The following LOXL3 variants were observed in gnomAD, a reference collection of about 807,000 sequenced individuals.
LOXL3 encodes the protein lysyl oxidase homolog 3.
LOXL3 carries 60 observed loss-of-function variants against 91.8 expected under a neutral mutation model. The observed-to-expected ratio is 0.65, with a 90% confidence interval of 0.53 to 0.81. The LOEUF is 0.81. LOXL3 is among the 30% of genes least tolerant of loss of function. The pLI is 0.00. For synonymous variants in LOXL3, 355 were observed against 387.6 expected (o/e 0.92, Z 0.99); for missense variants, 874 against 1,000.4 (o/e 0.87, Z 1.70).
In LOXL3 at chr2:74,536,688, C is replaced by A; in HGVS notation, c.912+21G>T. The A allele has an allele frequency of 6.2e-7, 1 of 1,611,472 alleles. No individual in the cohort carries two copies. The highest frequency in any genetic ancestry group is 1.1e-5 in the South Asian group (1 of 90,938). On this transcript the variant is annotated intron_variant, in intron 5 of 13. Transcript: ENST00000264094. The surrounding 1 kb of genome is among the most constrained non-coding windows in gnomAD (Gnocchi z 4.5). ...GTTCTCCACCTGGGGTGGGAAAGGT[C>A]ATAATCACTGTCTCACACACCTCCC...
chr2:74,554,668 C>T (rs1238248818), upstream of LOXL3: 42 of 1,394,790 alleles, frequency 3.0e-5, no homozygotes, highest in Non-Finnish European at 3.9e-5. This position sits in a 1 kb window ranked among gnomAD's most constrained non-coding sequence, Gnocchi z 4.9. Context: ...CGGGGAGGGG[C>T]GGAAACTCCT....
At chr2:74,550,732 G>A (rs769247809) in intron 2 of LOXL3, among the ~76,000 whole-genome samples, 3 of 152,176 alleles carry the variant, frequency 2.0e-5, no homozygotes, top group African/African-American at 4.8e-5. Flanking sequence ...CCAGAACACT[G>A]TTTTATATAA....
upstream of LOXL3, chr2:74,555,381 C>G (rs1677364016): frequency 2.5e-5 from 41 of 1,612,950 alleles, no homozygotes; most frequent in Non-Finnish European, 3.4e-5. This position sits in a 1 kb window ranked among gnomAD's most constrained non-coding sequence, Gnocchi z 6.1. Flanking sequence ...CTGCTCAGCG[C>G]TCGCACCTGC....
chr2:74,544,938 T>C (rs186831366), intron 4 of LOXL3, among the ~76,000 whole-genome samples: 29 of 152,312 alleles, frequency 1.9e-4, no homozygotes, highest in Admixed American at 1.9e-3. Context: ...CCACGAAGAA[T>C]GGCCTCTGTG....
At chr2:74,534,490 C>T (rs997290217) in intron 10 of LOXL3, 41 bp downstream of exon 10, 13 of 1,613,376 alleles carry the variant, frequency 8.1e-6, no homozygotes, top group Admixed American at 1.7e-5. Flanking sequence ...TGCCCCATCC[C>T]CCGTGGTCTT....
chr2:74,536,768 G>C lies in LOXL3; in HGVS notation c.853C>G (p.Pro285Ala). Reference protein sequence around the residue: ...GPAVVSCVPGPVYAASSGQKK... With the variant: ...GPAVVSCVPGAVYAASSGQKK... The stretch of plus-strand genomic sequence containing the variant: ...TGGCCACTGGATGCCGCGTAGACAG[G>C]GCCTGGCACACAGCTCACCACTGCA... The change falls in exon 5 of 14, where the codon CCT becomes GCT. Residue 285 changes from proline (P) to alanine (A), a missense_variant. Physicochemically the swap from Pro to Ala is conservative, Grantham distance 27. Coordinates refer to ENST00000264094, the MANE Select transcript of LOXL3 (RefSeq NM_032603.5). This position sits in a 1 kb window ranked among gnomAD's most constrained non-coding sequence, Gnocchi z 4.5. The C allele has an allele frequency of 6.2e-7, 1 of 1,614,180 alleles. No homozygotes were observed. The highest frequency in any genetic ancestry group is 1.1e-5 in the South Asian group (1 of 91,078).
At chr2:74,554,771 T>C, upstream of LOXL3, 1 of 1,613,420 alleles carries the variant, frequency 6.2e-7, no homozygotes. The surrounding 1 kb of genome is among the most constrained non-coding windows in gnomAD (Gnocchi z 4.9). Context: ...GGAGCAGTGA[T>C]GGAAGGGCCG....
At chr2:74,550,501 C>A (rs1676936685) in intron 2 of LOXL3, among the ~76,000 whole-genome samples, 153 bp from the exon 3 acceptor site, 1 of 151,960 alleles carries the variant, frequency 6.6e-6, no homozygotes, top group Admixed American at 6.6e-5. Flanking sequence ...GGACAGGGGA[C>A]CCTGGCAGGG....
At chr2:74,544,930 A>C (rs539416106) in intron 4 of LOXL3, among the ~76,000 whole-genome samples, 51 of 152,248 alleles carry the variant, frequency 3.3e-4, no homozygotes, top group Admixed American at 3.1e-3. Flanking sequence ...CTCTTTCCCC[A>C]CGAAGAATGG....
At chr2:74,553,647 G>C (rs1459458209) in intron 1 of LOXL3, among the ~76,000 whole-genome samples, 1 of 152,174 alleles carries the variant, frequency 6.6e-6, no homozygotes, top group East Asian at 1.9e-4. Context: ...TCCCGGAGGA[G>C]CCCCCTCCCT....
At chr2:74,555,492 G>C (rs1677378521), upstream of LOXL3, 2 of 1,610,108 alleles carry the variant, frequency 1.2e-6, no homozygotes, top group Non-Finnish European at 1.7e-6. This position sits in a 1 kb window ranked among gnomAD's most constrained non-coding sequence, Gnocchi z 6.1. Context: ...GGCAGTTACA[G>C]AGGCAGAGAA....
chr2:74,536,149 G>A lies in LOXL3; in HGVS notation c.1095C>T (p.Gly365=), dbSNP rs775677763. The A allele has an allele frequency of 1.2e-6, 2 of 1,613,544 alleles. No individual in the cohort carries two copies. The highest frequency in any genetic ancestry group is 1.7e-6 in the Non-Finnish European group (2 of 1,180,010). Reference sequence around the variant, plus strand: ...CTTCACTCAGGTGGATAGCACCCATGCCTAGGGCCAGATGGCAAAGATCAG... The same window carrying A: ...CTTCACTCAGGTGGATAGCACCCATACCTAGGGCCAGATGGCAAAGATCAG... ...EALSGARMGQ[G]MGAIHLSEVR... Residue 365 remains glycine (G), a splice_region_variant and synonymous_variant, in exon 7 of 14, where the codon GGC becomes GGT. Coordinates refer to ENST00000264094, the MANE Select transcript of LOXL3 (RefSeq NM_032603.5). This position sits in a 1 kb window ranked among gnomAD's most constrained non-coding sequence, Gnocchi z 4.5.
chr2:74,535,342 G>A lies in LOXL3; in HGVS notation c.1529C>T (p.Thr510Ile). 6.2e-7 allele frequency: 1 copy of A among 1,614,052 alleles called. No individual in the cohort carries two copies. Reference sequence around the variant, plus strand: ...GAAGCGGGTCCCTGTCCTCTTGCAGGTGATGTGGGTGCCATGATGGGCACA... The same window carrying A: ...GAAGCGGGTCCCTGTCCTCTTGCAGATGATGTGGGTGCCATGATGGGCACA... Reference protein sequence around the residue: ...DQCAHHGTHITCKRTGTRFTA... With the variant: ...DQCAHHGTHIICKRTGTRFTA... The change falls in exon 9 of 14, where the codon ACC (threonine) becomes ATC (isoleucine). Residue 510 changes from threonine (T) to isoleucine (I), a missense_variant. By Grantham distance (89) the Thr-to-Ile change is moderately conservative. Transcript: ENST00000264094. The surrounding 1 kb of genome is among the most constrained non-coding windows in gnomAD (Gnocchi z 4.2).
upstream of LOXL3, chr2:74,555,397 G>A: frequency 6.2e-7 from 1 of 1,611,622 alleles, no homozygotes; most frequent in Non-Finnish European, 8.5e-7. This position sits in a 1 kb window ranked among gnomAD's most constrained non-coding sequence, Gnocchi z 6.1. Context: ...CCTGCTGGCG[G>A]CCGACGCGCC....
chr2:74,543,918 A>G (rs1222532786), intron 4 of LOXL3, among the ~76,000 whole-genome samples: 8 of 150,990 alleles, frequency 5.3e-5, no homozygotes, highest in Non-Finnish European at 8.9e-5. Flanking sequence ...AAAAAAAAAA[A>G]AAAAAGAAAA....
intron 1 of LOXL3, 48 bp from the exon 2 acceptor site, chr2:74,552,694 G>C: frequency 7.0e-7 from 1 of 1,430,342 alleles, no homozygotes; most frequent in South Asian, 1.4e-5. Flanking sequence ...AGATTGAGTG[G>C]GGCCCAGAGT....
In LOXL3 at chr2:74,532,862, G is replaced by A. The variant is rs757019720; in HGVS notation, c.*744C>T. On this transcript the variant is annotated 3_prime_UTR_variant, in exon 14 of 14. Transcript: ENST00000264094. ...GTGATGTGATTTTGGCCATTGGGGA[G>A]CAGATGGTACAAAATGCTGAAGATG... is the stretch of plus-strand genomic sequence containing the variant. The A allele has an allele frequency of 1.2e-6, 2 of 1,614,152 alleles. No homozygotes were observed. The highest frequency in any genetic ancestry group is 1.6e-4 in the Middle Eastern group (1 of 6,062).
At chr2:74,554,411 G>A (rs1212770185), upstream of LOXL3, 3 of 320,750 alleles carry the variant, frequency 9.4e-6, no homozygotes, top group South Asian at 4.4e-5. This position sits in a 1 kb window ranked among gnomAD's most constrained non-coding sequence, Gnocchi z 4.9. Flanking sequence ...GCGCTTTCGG[G>A]GTGATGTCAT....
In LOXL3 at chr2:74,534,542, G is replaced by A. The variant is rs757193797; in HGVS notation, c.1812C>T (p.His604=). The part of the protein sequence containing the change: ...PKAGRHSWVW[H]ECHGHYHSMD... ...CCCTACCCTCTCACCCATGGCACTC[G>A]TGCCACACCCAGGAGTGGCGCCCAG... The change falls in exon 10 of 14, where the codon CAC becomes CAT. Residue 604 remains histidine (H), a synonymous_variant. Coordinates refer to ENST00000264094, the MANE Select transcript of LOXL3 (RefSeq NM_032603.5). 5.5e-5 allele frequency: 88 copies of A among 1,613,978 alleles called. No individual in the cohort carries two copies. The highest frequency in any genetic ancestry group is 6.7e-5 in the Non-Finnish European group (79 of 1,179,996).
Sources: gnomAD v4.1 joint callset for allele counts (sites outside exome capture counted in the v4.1 genomes callset) on GRCh38, gnomAD v4.1.1 for gene constraint, Gnocchi (gnomAD v3.1) non-coding constraint, MANE v1.5 for transcripts, NCBI Gene and HGNC (gene_info 2026-07-23, HGNC 2026-07-21) for gene names.